PCDHA2: variants seen among roughly 807,000 people sequenced by gnomAD.
PCDHA2 encodes the protein protocadherin alpha-2.
A neutral mutation model predicts 66.0 loss-of-function variants in PCDHA2; 58 were observed. The observed-to-expected ratio is 0.88, with a 90% confidence interval of 0.71 to 1.09. PCDHA2 has a LOEUF of 1.09. Among genes scored for constraint, PCDHA2 ranks in the 50% least tolerant of loss-of-function variants. The pLI, the probability that PCDHA2 is intolerant of heterozygous loss-of-function variation, is 0.00. For synonymous variants in PCDHA2, 634 were observed against 554.0 expected (o/e 1.14, Z -2.03); for missense variants, 1,267 against 1,242.3 (o/e 1.02, Z -0.30).
intron 3 of PCDHA2, among the ~76,000 whole-genome samples, chr5:140,995,446 T>C (rs2097684088): frequency 6.6e-6 from 1 of 152,206 alleles, no homozygotes; most frequent in Non-Finnish European, 1.5e-5. Flanking sequence ...TTAAAACTTA[T>C]GAATTGTTTA....
chr5:140,906,877 A>G (rs1361751716), intron 1 of PCDHA2, among the ~76,000 whole-genome samples: 1 of 152,122 alleles, frequency 6.6e-6, no homozygotes, highest in Non-Finnish European at 1.5e-5. Context: ...CAACACTGTA[A>G]CTTCCTTCTT....
At chr5:140,982,207 C>T (rs868956427) in intron 2 of PCDHA2, 8 of 429,564 alleles carry the variant, frequency 1.9e-5, no homozygotes, top group East Asian at 1.5e-4. Flanking sequence ...ATTTAGTGAG[C>T]GCCACATGGC....
rs2150465616 is a variant in PCDHA2, at chr5:140,850,062, T to C, written c.2388+52710T>C. ...CGGCAAGGTGTACGCGCTGCAGCCG[T>C]TGGACCACGAGGAGCTGGAGCTGCT... On this transcript the variant is annotated intron_variant, in intron 1 of 3. Transcript: ENST00000526136. 1.4e-4 allele frequency: 229 copies of C among 1,596,236 alleles called. 16 individuals are homozygous for C. The highest frequency in any genetic ancestry group is 1.1e-3 in the East Asian group (50 of 44,828).
chr5:140,829,246 G>C (rs2150164613), intron 1 of PCDHA2: 1 of 1,614,268 alleles, frequency 6.2e-7, no homozygotes. Context: ...ACGGGCAGGT[G>C]AACTGCTCGC....
chr5:140,899,653 T>C (rs1478658505), intron 1 of PCDHA2, among the ~76,000 whole-genome samples: 1 of 152,220 alleles, frequency 6.6e-6, no homozygotes, highest in African/African-American at 2.4e-5. Context: ...TATTTGGTTG[T>C]GTCTCTGCCC....
intron 1 of PCDHA2, chr5:140,869,015 A>G (rs2050795044): frequency 6.6e-7 from 1 of 1,524,382 alleles, no homozygotes; most frequent in Non-Finnish European, 8.8e-7. Flanking sequence ...GAAACTTCTT[A>G]AGAATTCAAC....
At chr5:140,975,309 T>C (rs182558596) in intron 1 of PCDHA2, among the ~76,000 whole-genome samples, 161 of 152,342 alleles carry the variant, frequency 1.1e-3, no homozygotes, top group African/African-American at 3.2e-3. Flanking sequence ...CTCATGTGAT[T>C]ATGTCAGTCC....
At position 140,808,562 on chromosome 5, in the gene PCDHA2, G is replaced by A; in HGVS notation, c.2388+11210G>A. The A allele has an allele frequency of 1.9e-6, 3 of 1,614,108 alleles. No homozygotes were observed. The highest frequency in any genetic ancestry group is 1.1e-5 in the South Asian group (1 of 91,086). The stretch of plus-strand genomic sequence containing the variant: ...CAACGCTCCGGCGTTCGCGCAGCCC[G>A]AGTACACAGTGTTCGTGAAGGAGAA... On this transcript the variant is annotated intron_variant, in intron 1 of 3. Transcript: ENST00000526136.
intron 1 of PCDHA2, chr5:140,830,949 C>T (rs1369947850): frequency 6.6e-6 from 1 of 152,220 alleles, no homozygotes; most frequent in Non-Finnish European, 1.5e-5. Context: ...ATTAAGCTAA[C>T]GCTTTGATTT....
chr5:140,868,098 A>C (rs972281563), intron 1 of PCDHA2: 1 of 152,120 alleles, frequency 6.6e-6, no homozygotes, highest in African/African-American at 2.4e-5. Context: ...AATGATAATA[A>C]AATTTATTTT....
chr5:140,877,480 G>A (rs782077464), intron 1 of PCDHA2: 3 of 1,613,888 alleles, frequency 1.9e-6, no homozygotes, highest in Non-Finnish European at 8.5e-7. Context: ...GGTGTCGCTG[G>A]TGGAGAACGG....
intron 1 of PCDHA2, among the ~76,000 whole-genome samples, chr5:140,890,189 G>C (rs1262049301): frequency 1.3e-5 from 2 of 152,102 alleles, no homozygotes; most frequent in Non-Finnish European, 2.9e-5. Context: ...CTACAAAACA[G>C]AGTTTTTTGT....
chr5:140,822,611 T>G (rs1767365193), intron 1 of PCDHA2: 1 of 1,611,486 alleles, frequency 6.2e-7, no homozygotes, highest in African/African-American at 1.3e-5. Flanking sequence ...ATAGTGTATT[T>G]CTTTAGTAAT....
chr5:140,849,962 G>T, intron 1 of PCDHA2: 1 of 1,597,888 alleles, frequency 6.3e-7, no homozygotes, highest in Non-Finnish European at 8.6e-7. Flanking sequence ...AGAACGCCCT[G>T]GTGTCCTACT....
intron 1 of PCDHA2, chr5:140,851,387 TA>T: frequency 2.1e-6 from 2 of 974,684 alleles, no homozygotes; most frequent in Non-Finnish European, 2.5e-6. Context: ...CAACCTTCAG[TA>T]TCTATTATTT....
chr5:140,974,832 T>C (rs114216401), intron 1 of PCDHA2, among the ~76,000 whole-genome samples: 60 of 152,346 alleles, frequency 3.9e-4, no homozygotes, highest in African/African-American at 1.4e-3. Context: ...ATAATGATTA[T>C]TTTAAATGTT....
At chr5:140,970,810 A>G (rs2096434442) in intron 1 of PCDHA2, among the ~76,000 whole-genome samples, 1 of 152,138 alleles carries the variant, frequency 6.6e-6, no homozygotes. Flanking sequence ...TTACATTTCA[A>G]GTTCATGGTA....
rs782751899 is a variant in PCDHA2 at position 140,967,272 on chromosome 5, T to G, written c.2389-11677T>G. The G allele has an allele frequency of 1.2e-6, 2 of 1,613,412 alleles. No homozygotes were observed. Among genetic ancestry groups the G allele is most frequent in the East Asian group, 2.2e-5 (1 of 44,860 alleles). On this transcript the variant is annotated intron_variant, in intron 1 of 3. Transcript: ENST00000526136. ...GTGGCGCCTGGAGCGCGCTTTCACA[T>G]AGAGAGTGCGCAGGACCCCGACGTG...
At chr5:140,834,565 C>T (rs2150221167) in intron 1 of PCDHA2, 4 of 1,614,086 alleles carry the variant, frequency 2.5e-6, no homozygotes, top group Admixed American at 1.7e-5. Flanking sequence ...GAGCTGGTGC[C>T]GCGCCTGTTC....
Sources: allele counts gnomAD v4.1 joint callset (sites outside exome capture counted in the v4.1 genomes callset), GRCh38; gene constraint gnomAD v4.1.1; transcripts MANE v1.5; gene names NCBI Gene and HGNC (gene_info 2026-07-23, HGNC 2026-07-21).